COL3A1: variants seen among roughly 807,000 people sequenced by gnomAD.
COL3A1 encodes the protein collagen type III alpha 1 chain.
Under a neutral mutation model 200.9 loss-of-function variants are expected in COL3A1, and 46 were observed. The observed-to-expected ratio is 0.23, with a 90% CI of 0.18 to 0.29. The LOEUF (loss-of-function observed/expected upper bound fraction) is 0.29. Ranked by LOEUF, COL3A1 falls within the 10% of genes least tolerant of loss-of-function variation. The pLI, the probability that COL3A1 is intolerant of heterozygous loss-of-function variation, is 1.00. For missense variants in COL3A1, 1,367 were observed against 1,917.6 expected (o/e 0.71, Z 5.36); for synonymous variants, 650 against 628.0 (o/e 1.03, Z -0.52).
intron 30 of COL3A1, 27 bp downstream of exon 30, chr2:188,999,410 A>C: frequency 1.2e-6 from 2 of 1,613,770 alleles, no homozygotes; most frequent in Non-Finnish European, 1.7e-6. Context: ...CCATTCACCT[A>C]GGTTTAAAAA....
intron 15 of COL3A1, 110 bp downstream of exon 15, chr2:188,993,050 A>G: frequency 4.1e-6 from 4 of 983,378 alleles, no homozygotes; most frequent in Non-Finnish European, 4.9e-6. Flanking sequence ...GATAGCTTTT[A>G]TCTATACATG....
intron 31 of COL3A1, 67 bp from the exon 32 acceptor site, chr2:188,999,775 C>T (rs1422649138): frequency 2.0e-5 from 31 of 1,517,288 alleles, no homozygotes; most frequent in Non-Finnish European, 2.8e-5. Context: ...CTGAGAGTTA[C>T]TCCTCTTCTT....
chr2:189,003,668 C>T, intron 37 of COL3A1, 66 bp from the exon 38 acceptor site: 1 of 1,545,574 alleles, frequency 6.5e-7, no homozygotes, highest in Non-Finnish European at 8.9e-7. Flanking sequence ...ACACATTATA[C>T]TTTTTGTTTG....
chr2:188,979,339 A>C (rs1188781040), intron 1 of COL3A1, among the ~76,000 whole-genome samples: 1 of 151,956 alleles, frequency 6.6e-6, no homozygotes, highest in Non-Finnish European at 1.5e-5. Context: ...ACTTCTGATG[A>C]ACTTAGATGT....
At chr2:188,984,406 A>G (rs1488793148) in intron 1 of COL3A1, among the ~76,000 whole-genome samples, 2 of 151,992 alleles carry the variant, frequency 1.3e-5, no homozygotes, top group Non-Finnish European at 2.9e-5. Flanking sequence ...AAAGAATAGC[A>G]ATTGGGTAGA....
chr2:189,003,077 C>G lies in COL3A1; in HGVS notation c.2553+15C>G. ...CTGGACCTGCTGTAAGTTCCTTCCT[C>G]TTTCTCTGTCTATCTATCTATCATC... On this transcript the variant is annotated intron_variant, in intron 36 of 50. Transcript: ENST00000304636. 14 of 1,510,910 alleles carry G rather than the reference C, an allele frequency of 9.3e-6. No individual in the cohort carries two copies. The highest frequency in any genetic ancestry group is 1.3e-5 in the Non-Finnish European group (14 of 1,110,060). 93.6% of individuals were successfully genotyped at this position (1,510,910 alleles called of 1,614,324 possible). A position where few individuals can be genotyped will look rare whatever the true frequency, so the allele number is the denominator to read the frequency against.
intron 1 of COL3A1, among the ~76,000 whole-genome samples, chr2:188,982,419 A>C (rs1481946305): frequency 6.6e-6 from 1 of 151,942 alleles, no homozygotes; most frequent in East Asian, 1.9e-4. Context: ...TTAATGAGAC[A>C]TAAACATAGG....
At position 188,985,724 on chromosome 2, in the gene COL3A1, C is replaced by T. The variant is rs1688052638; in HGVS notation, c.393C>T (p.Ser131=). The T allele has an allele frequency of 6.2e-7, 1 of 1,611,580 alleles. No homozygotes were observed. The highest frequency in any genetic ancestry group is 8.5e-7 in the Non-Finnish European group (1 of 1,178,894). The change falls in exon 4 of 51, where the codon TCC becomes TCT. Residue 131 remains serine, a synonymous_variant. Coordinates refer to ENST00000304636, the MANE Select transcript of COL3A1 (RefSeq NM_000090.4). ...GDPGIPGQPG[S]PGSPGPPGIC... ...CTGGTATTCCAGGACAACCAGGGTCCCCTGGTTCTCCTGGCCCCCCTGGAA... is the reference window on the plus strand; with the variant it reads ...CTGGTATTCCAGGACAACCAGGGTCTCCTGGTTCTCCTGGCCCCCCTGGAA...
chr2:188,987,449 C>A (rs1182290277), intron 5 of COL3A1, among the ~76,000 whole-genome samples: 5 of 151,512 alleles, frequency 3.3e-5, no homozygotes, highest in African/African-American at 1.2e-4. Flanking sequence ...TATAAATTTA[C>A]TATCAGTATT....
In COL3A1 at chr2:188,989,426, C is replaced by T. The variant is rs1325737333; in HGVS notation, c.667C>T (p.Pro223Ser). ...TCCAGGACCTCCTGGTGCTATAGGT[C>T]CATCTGGTCCTGCTGGAAAAGATGT... ...GPPGPPGAIGPSGPAGKDGES... is the reference protein window; with the variant it reads ...GPPGPPGAIGSSGPAGKDGES... Residue 223 changes from proline (P) to serine (S), a missense_variant, in exon 8 of 51, where the codon CCA becomes TCA. Around this residue, in one of 5 missense-constraint regions of COL3A1, gnomAD observed 462 missense variants for 681.4 expected, o/e 0.68. Coordinates refer to ENST00000304636, the MANE Select transcript of COL3A1 (RefSeq NM_000090.4). 6 of 1,606,794 alleles carry T rather than the reference C, an allele frequency of 3.7e-6. No individual in the cohort carries two copies. Among genetic ancestry groups the T allele is most frequent in the Non-Finnish European group, 5.1e-6 (6 of 1,176,566 alleles).
chr2:188,983,573 C>T (rs1200825178), intron 1 of COL3A1, among the ~76,000 whole-genome samples: 2 of 151,822 alleles, frequency 1.3e-5, no homozygotes, highest in Non-Finnish European at 2.9e-5. Flanking sequence ...GCATGTAGTG[C>T]CCAGATGGAA....
intron 1 of COL3A1, among the ~76,000 whole-genome samples, chr2:188,976,706 A>G (rs1687825889): frequency 6.6e-6 from 1 of 152,180 alleles, no homozygotes; most frequent in Non-Finnish European, 1.5e-5. Flanking sequence ...TTTTCTGGAT[A>G]CAAACAAGTC....
At chr2:188,974,763 T>C (rs545043462) in intron 1 of COL3A1, among the ~76,000 whole-genome samples, 195 bp downstream of exon 1, 6 of 152,316 alleles carry the variant, frequency 3.9e-5, no homozygotes, top group South Asian at 4.1e-4. Flanking sequence ...TGTGTGTTTT[T>C]AAGAGTTCTG....
chr2:189,003,894 C>A, intron 38 of COL3A1, 88 bp from the exon 39 acceptor site: 1 of 1,579,050 alleles, frequency 6.3e-7, no homozygotes, highest in Non-Finnish European at 8.7e-7. Flanking sequence ...TAGTAAGTCT[C>A]AAATAAAATT....
At chr2:188,977,063 A>G (rs1687835921) in intron 1 of COL3A1, among the ~76,000 whole-genome samples, 1 of 152,156 alleles carries the variant, frequency 6.6e-6, no homozygotes, top group Non-Finnish European at 1.5e-5. Flanking sequence ...CAATGGTAAC[A>G]ATATTCAGAG....
At chr2:189,009,894 A>T (rs1688682284) in intron 48 of COL3A1, among the ~76,000 whole-genome samples, 2 of 152,168 alleles carry the variant, frequency 1.3e-5, no homozygotes, top group Non-Finnish European at 2.9e-5. Flanking sequence ...ATCTTTTTTT[A>T]AAGGAGAGAC....
rs751221822 is a variant in COL3A1, at chr2:188,992,849, T to C, written c.997-38T>C. ...ACTAGTATGTCAGCTTTCATTTAGT[T>C]GAAAAAGAGCTCTTGAAATTGTATT... On this transcript the variant is annotated intron_variant, in intron 14 of 50. Transcript: ENST00000304636. The C allele has an allele frequency of 3.1e-6, 5 of 1,589,358 alleles. No homozygotes were observed. In the East Asian group the frequency reaches 1.1e-4, roughly 36 times the overall value.
Position 189,004,110 on chromosome 2 carries a change from A to G in COL3A1, c.2790A>G (p.Gly930=). 1 of 1,613,938 alleles carries G rather than the reference A, an allele frequency of 6.2e-7. No homozygotes were observed. The highest frequency in any genetic ancestry group is 8.5e-7 in the Non-Finnish European group (1 of 1,180,020). The part of the protein sequence containing the change: ...SGPKGDAGQP[G]EKGSPGAQGP... ...CAAAAGGTGATGCTGGCCAACCAGG[A>G]GAGAAGGGATCGCCTGGTGCCCAGG... The change falls in exon 39 of 51, where the codon GGA becomes GGG. Residue 930 remains glycine (G), a synonymous_variant. Coordinates refer to ENST00000304636, the MANE Select transcript of COL3A1 (RefSeq NM_000090.4).
chr2:188,996,544 T>A (rs771770030), intron 24 of COL3A1, 48 bp downstream of exon 24: 6 of 1,487,450 alleles, frequency 4.0e-6, no homozygotes, highest in African/African-American at 2.8e-5. Context: ...CTGGAAGGCT[T>A]TTATTTTCCA....
Sources: allele counts gnomAD v4.1 joint callset (sites outside exome capture counted in the v4.1 genomes callset), GRCh38; gene constraint gnomAD v4.1.1; regional missense constraint gnomAD v4.1.1; transcripts MANE v1.5; gene names NCBI Gene and HGNC (gene_info 2026-07-23, HGNC 2026-07-21).